Variants in CNGB1 observed in about 807,000 individuals in gnomAD.
CNGB1 encodes the protein cyclic nucleotide-gated channel beta-1.
In CNGB1, 126 loss-of-function variants were observed where a neutral mutation model predicts 151.7. The observed-to-expected ratio is 0.83, with a 90% CI of 0.72 to 0.96. The LOEUF is 0.96. CNGB1 is among the 40% of genes least tolerant of loss of function. The pLI, the probability that CNGB1 is intolerant of heterozygous loss-of-function variation, is 0.00. For missense variants in CNGB1, 1,698 were observed against 1,627.0 expected (o/e 1.04, Z -0.75); for synonymous variants, 623 against 635.1 (o/e 0.98, Z 0.29).
chr16:57,926,257 A>T (rs1035059290), intron 17 of CNGB1, among the ~76,000 whole-genome samples: 3 of 152,196 alleles, frequency 2.0e-5, no homozygotes, highest in Non-Finnish European at 4.4e-5. Context: ...TCACCTCAGC[A>T]GAGGTTCCTA....
At chr16:57,904,547 A>T (rs1348880795) in intron 26 of CNGB1, among the ~76,000 whole-genome samples, 187 bp downstream of exon 26, 1 of 152,178 alleles carries the variant, frequency 6.6e-6, no homozygotes, top group Non-Finnish European at 1.5e-5. Flanking sequence ...GAGAGGGAAT[A>T]GGGCCGAGTT....
In CNGB1 at chr16:57,911,850, G is replaced by C; in HGVS notation, c.2395C>G (p.Leu799Val). The C allele has an allele frequency of 6.2e-7, 1 of 1,613,954 alleles. No individual in the cohort carries two copies. Among genetic ancestry groups the C allele is most frequent in the Non-Finnish European group, 8.5e-7 (1 of 1,179,882 alleles). ...YRVIRTTAYL[L>V]YSLHLNSCLY... ...CAGGAATTCAAATGCAGGCTGTAGA[G>C]AAGGTAGGCTGTGGTCCTGATGACC... Residue 799 changes from leucine to valine, a missense_variant, in exon 25 of 33, where the codon CTC becomes GTC. Leu to Val is a conservative substitution (Grantham distance 32). Coordinates refer to ENST00000251102, the MANE Select transcript of CNGB1 (RefSeq NM_001297.5).
At chr16:57,956,145 C>T (rs1962078993) in intron 12 of CNGB1, among the ~76,000 whole-genome samples, 1 of 152,184 alleles carries the variant, frequency 6.6e-6, no homozygotes, top group African/African-American at 2.4e-5. Context: ...GATGCAGACC[C>T]TCTGAAGGCT....
chr16:57,885,557 C>CCTCTCTCTCTCTCTCTCTCTCTCT (rs1220420237), intron 32 of CNGB1, among the ~76,000 whole-genome samples: 2 of 97,620 alleles, frequency 2.0e-5, no homozygotes, highest in Admixed American at 1.2e-4. Flanking sequence ...TTCCTTCCTT[C>CCTCTCTCTCTCTCTCTCTCTCTCT]CTCTCTCTCT....
intron 17 of CNGB1, among the ~76,000 whole-genome samples, chr16:57,927,356 A>T (rs1002086710): frequency 1.3e-5 from 2 of 152,180 alleles, no homozygotes; most frequent in African/African-American, 4.8e-5. Flanking sequence ...CCCTGCTCAC[A>T]GTCAGCCCCA....
At chr16:57,954,966 C>A (rs1413608781) in intron 12 of CNGB1, 15 of 1,100,956 alleles carry the variant, frequency 1.4e-5, no homozygotes, top group African/African-American at 1.6e-5. Flanking sequence ...CCACGGTGGT[C>A]TCGAACTTCG....
Position 57,940,419 on chromosome 16 carries a change from G to C in CNGB1, c.1122-98C>G, listed in dbSNP as rs376316059. On this transcript the variant is annotated intron_variant, in intron 14 of 32. Coordinates refer to ENST00000251102, the MANE Select transcript of CNGB1 (RefSeq NM_001297.5). The stretch of plus-strand genomic sequence containing the variant: ...AGGGCCACGCTCTGTGCCAGGAGCG[G>C]AGGGTACAGAGATGCCCAAGAACCA... 2.0e-4 allele frequency: 241 copies of C among 1,198,248 alleles called. 1 individual carries two copies. In the South Asian group the frequency reaches 2.6e-3, roughly 13 times the overall value. 74.2% of individuals were successfully genotyped at this position (1,198,248 alleles called of 1,614,324 possible).
chr16:57,897,518 G>A lies in CNGB1; in HGVS notation c.3121C>T (p.Arg1041Trp), dbSNP rs775265608. ...ISLLAVGGGN[R>W]RTANVVAHGF... Reference sequence around the variant, plus strand: ...TGCGCCACCACGTTGGCCGTGCGCCGGTTCCCGCCCCCAACAGCCAGCAAG... The same window carrying A: ...TGCGCCACCACGTTGGCCGTGCGCCAGTTCCCGCCCCCAACAGCCAGCAAG... The change falls in exon 31 of 33, where the codon CGG becomes TGG. Residue 1041 changes from arginine (R) to tryptophan (W), a missense_variant. Transcript: ENST00000251102. 27 of 1,613,994 alleles carry A rather than the reference G, an allele frequency of 1.7e-5. No individual in the cohort carries two copies. The highest frequency in any genetic ancestry group is 9.9e-5 in the South Asian group (9 of 91,078).
rs991894154 is a variant in CNGB1, at chr16:57,915,355, C to A, written c.2218-20G>T. On this transcript the variant is annotated intron_variant, in intron 22 of 32. Coordinates refer to ENST00000251102, the MANE Select transcript of CNGB1 (RefSeq NM_001297.5). ...GTCCATCTGAAATCCCAGTGGGACA[C>A]CATGGGGGTAAAACGGATGACTCCA... 12 of 1,590,342 alleles carry A rather than the reference C, an allele frequency of 7.5e-6. No homozygotes were observed. In the East Asian group the frequency reaches 2.5e-4, roughly 33 times the overall value.
chr16:57,964,709 G>C (rs1180328750), intron 2 of CNGB1, among the ~76,000 whole-genome samples, 165 bp from the exon 3 acceptor site: 2 of 152,108 alleles, frequency 1.3e-5, no homozygotes, highest in Non-Finnish European at 2.9e-5. Flanking sequence ...TTCCACCTGG[G>C]ATACTCCCTT....
chr16:57,920,247 A>G, intron 19 of CNGB1, 140 bp downstream of exon 19: 1 of 940,546 alleles, frequency 1.1e-6, no homozygotes, highest in South Asian at 1.5e-5. Flanking sequence ...ATGGATCCCA[A>G]ATCCAGAGAG....
intron 17 of CNGB1, among the ~76,000 whole-genome samples, chr16:57,926,119 G>T (rs1961181054): frequency 6.6e-6 from 1 of 152,192 alleles, no homozygotes; most frequent in Admixed American, 6.5e-5. Flanking sequence ...CCCAGCAGAA[G>T]CTGAAAACTC....
chr16:57,905,346 C>T (rs1960518643), intron 25 of CNGB1, among the ~76,000 whole-genome samples: 1 of 148,942 alleles, frequency 6.7e-6, no homozygotes. Flanking sequence ...CCCTACCCGG[C>T]CCATCCATTT....
chr16:57,953,853 T>C (rs1365328101), intron 12 of CNGB1, among the ~76,000 whole-genome samples: 5 of 151,732 alleles, frequency 3.3e-5, no homozygotes, highest in Admixed American at 6.6e-5. Flanking sequence ...TCCATAACCA[T>C]TGCTTGGTCA....
At chr16:57,909,862 A>G (rs1028635216) in intron 25 of CNGB1, among the ~76,000 whole-genome samples, 1 of 152,180 alleles carries the variant, frequency 6.6e-6, no homozygotes, top group Non-Finnish European at 1.5e-5. Context: ...TCTGTAACTC[A>G]TGAACCGTGT....
intron 14 of CNGB1, among the ~76,000 whole-genome samples, chr16:57,943,268 TG>T (rs2149378148): frequency 6.6e-6 from 1 of 152,258 alleles, no homozygotes; most frequent in African/African-American, 2.4e-5. Flanking sequence ...GACATACAAA[TG>T]GCCAACAGGT....
intron 32 of CNGB1, 120 bp from the exon 33 acceptor site, chr16:57,884,577 C>T: frequency 5.6e-6 from 6 of 1,070,832 alleles, no homozygotes; most frequent in South Asian, 2.7e-5. Flanking sequence ...GAACACACAG[C>T]GGGTGAAATC....
At chr16:57,953,738 A>G (rs1209916977) in intron 12 of CNGB1, among the ~76,000 whole-genome samples, 1 of 152,022 alleles carries the variant, frequency 6.6e-6, no homozygotes, top group African/African-American at 2.4e-5. Context: ...ACCTGGCCCC[A>G]AAGCACTAAC....
chr16:57,893,762 C>T (rs981506350), intron 31 of CNGB1, among the ~76,000 whole-genome samples: 10 of 152,010 alleles, frequency 6.6e-5, no homozygotes, highest in Non-Finnish European at 1.3e-4. Context: ...GCCAGGATTG[C>T]GCCACTGCAC....
Sources: allele counts gnomAD v4.1 joint callset (sites outside exome capture counted in the v4.1 genomes callset), GRCh38; gene constraint gnomAD v4.1.1; transcripts MANE v1.5; gene names NCBI Gene and HGNC (gene_info 2026-07-23, HGNC 2026-07-21).